FHIT: variants seen among roughly 807,000 people sequenced by gnomAD.
FHIT encodes fragile histidine triad diadenosine triphosphatase.
A neutral mutation model predicts 17.9 loss-of-function variants in FHIT; 19 were observed. The ratio of observed to expected loss-of-function variants is 1.06; its 90% CI spans 0.74 to 1.56. The LOEUF (loss-of-function observed/expected upper bound fraction) is 1.56. Ranked by LOEUF, FHIT falls within the 40% of genes most tolerant of loss-of-function variation. The pLI, the probability that FHIT is intolerant of heterozygous loss-of-function variation, is 0.00. For synonymous variants in FHIT, 81 were observed against 69.7 expected (o/e 1.16, Z -0.81); for missense variants, 248 against 189.2 (o/e 1.31, Z -1.82).
chr3:60,459,686 A>C (rs1278307728), intron 5 of FHIT, among the ~76,000 whole-genome samples: 5 of 152,214 alleles, frequency 3.3e-5, no homozygotes, highest in Non-Finnish European at 5.9e-5. Context: ...AATGCTTTTC[A>C]CTTAATACTG....
chr3:61,000,934 C>T (rs1440547487), intron 3 of FHIT, among the ~76,000 whole-genome samples: 2 of 151,344 alleles, frequency 1.3e-5, no homozygotes, highest in Non-Finnish European at 2.9e-5. Context: ...TTACTATCTA[C>T]AGTATATAAA....
At chr3:60,292,245 T>C (rs113369979) in intron 5 of FHIT, among the ~76,000 whole-genome samples, 3,836 of 152,212 alleles carry the variant, frequency 0.025, 61 homozygotes, top group African/African-American at 0.044. Context: ...AAACCCACTG[T>C]GTTAAAAAGT....
chr3:61,033,806 A>G (rs761061674), intron 3 of FHIT, among the ~76,000 whole-genome samples: 10 of 152,326 alleles, frequency 6.6e-5, no homozygotes, highest in Non-Finnish European at 1.3e-4. Context: ...GCAGGTCACT[A>G]TTGCTGAAAA....
intron 4 of FHIT, among the ~76,000 whole-genome samples, chr3:60,540,260 T>C (rs2036143785): frequency 6.6e-6 from 1 of 152,214 alleles, no homozygotes; most frequent in Admixed American, 6.5e-5. Context: ...CTTATGCATC[T>C]TTTCATCAGT....
chr3:60,205,051 G>C (rs575177485), intron 5 of FHIT, among the ~76,000 whole-genome samples: 2 of 150,614 alleles, frequency 1.3e-5, no homozygotes, highest in South Asian at 4.2e-4. Context: ...AGCCAATATC[G>C]CGCCACTGCT....
chr3:60,585,576 T>A lies in FHIT; in HGVS notation c.-17-48597A>T, dbSNP rs1029079479. ...AGTGAAAGCAAGAAAGACCTATCAA[T>A]ACTGAGTCAACAGAGTGGACCTACC... is the stretch of plus-strand genomic sequence containing the variant. On this transcript the variant is annotated intron_variant, in intron 4 of 9. Coordinates refer to ENST00000492590, the MANE Select transcript of FHIT (RefSeq NM_002012.4). Among the ~76,000 whole-genome samples the A allele has an allele frequency of 1.1e-4, 17 of 152,106 alleles. No individual in the cohort carries two copies. In the East Asian group the frequency reaches 2.9e-3, roughly 26 times the overall value.
intron 8 of FHIT, among the ~76,000 whole-genome samples, chr3:59,855,934 C>T (rs1702137292): frequency 8.9e-6 from 1 of 112,040 alleles, no homozygotes; most frequent in South Asian, 2.9e-4. Context: ...GCGCCCGCCA[C>T]CACGCCCGGC....
intron 5 of FHIT, among the ~76,000 whole-genome samples, chr3:60,289,146 TAAG>T (rs1282870719): frequency 1.3e-5 from 2 of 152,206 alleles, no homozygotes; most frequent in Non-Finnish European, 2.9e-5. Context: ...GAAAGAAGAA[TAAG>T]AAGACCATTC....
At chr3:60,035,033 T>C (rs1487425281) in intron 5 of FHIT, among the ~76,000 whole-genome samples, 1 of 152,234 alleles carries the variant, frequency 6.6e-6, no homozygotes, top group Admixed American at 6.5e-5. Flanking sequence ...ATTTTCATCA[T>C]GCTCTGGATA....
intron 5 of FHIT, among the ~76,000 whole-genome samples, chr3:60,056,438 T>C (rs569888157): frequency 6.6e-6 from 1 of 152,356 alleles, no homozygotes; most frequent in East Asian, 1.9e-4. Flanking sequence ...GATTCTATTG[T>C]TTGCAGTAAG....
intron 2 of FHIT, among the ~76,000 whole-genome samples, chr3:61,069,816 T>C (rs984415299): frequency 2.4e-4 from 36 of 152,182 alleles, no homozygotes; most frequent in African/African-American, 8.2e-4. Flanking sequence ...AAAATGAAGA[T>C]TGCAGGAGAA....
At chr3:59,767,460 T>C (rs568120289) in intron 8 of FHIT, among the ~76,000 whole-genome samples, 7 of 152,210 alleles carry the variant, frequency 4.6e-5, no homozygotes, top group African/African-American at 1.4e-4. Context: ...GATTGTATCA[T>C]TGCACTCTAG....
intron 4 of FHIT, among the ~76,000 whole-genome samples, chr3:60,668,596 C>G (rs1014998208): frequency 8.2e-6 from 1 of 121,288 alleles, no homozygotes; most frequent in Admixed American, 1.1e-4. Context: ...GAATCTCGCT[C>G]TGTCGCCCAG....
chr3:60,109,109 T>A (rs1179695474), intron 5 of FHIT, among the ~76,000 whole-genome samples: 1 of 151,702 alleles, frequency 6.6e-6, no homozygotes, highest in Non-Finnish European at 1.5e-5. Flanking sequence ...CTGCTCTAGA[T>A]GCTGTAAAAG....
intron 7 of FHIT, among the ~76,000 whole-genome samples, chr3:59,957,183 G>A (rs1362127611): frequency 6.6e-6 from 1 of 152,186 alleles, no homozygotes; most frequent in Non-Finnish European, 1.5e-5. Context: ...GCTTTAAAGA[G>A]GAAAGTAAGT....
intron 3 of FHIT, among the ~76,000 whole-genome samples, chr3:60,961,060 GT>G (rs1378084969): frequency 6.6e-6 from 1 of 152,186 alleles, no homozygotes; most frequent in Non-Finnish European, 1.5e-5. Context: ...CAGTGTAAAA[GT>G]TTTCCTATTA....
At chr3:60,730,121 C>G in intron 4 of FHIT, 1 of 500,948 alleles carries the variant, frequency 2.0e-6, no homozygotes, top group Non-Finnish European at 4.0e-6. Flanking sequence ...GCAATTAGAA[C>G]AAGAGCTTCA....
At chr3:61,064,542 A>C (rs1171334993) in intron 2 of FHIT, among the ~76,000 whole-genome samples, 1 of 152,118 alleles carries the variant, frequency 6.6e-6, no homozygotes, top group Non-Finnish European at 1.5e-5. Context: ...TTCATACTGA[A>C]TACATTCTAA....
chr3:61,092,397 T>C (rs1280356366), intron 2 of FHIT, among the ~76,000 whole-genome samples: 2 of 152,150 alleles, frequency 1.3e-5, no homozygotes, highest in African/African-American at 4.8e-5. Flanking sequence ...TCCTATTTGG[T>C]AATTACTCTT....
Sources: allele counts gnomAD v4.1 joint callset (sites outside exome capture counted in the v4.1 genomes callset), GRCh38; gene constraint gnomAD v4.1.1; transcripts MANE v1.5; gene names NCBI Gene and HGNC (gene_info 2026-07-23, HGNC 2026-07-21).